The following SPRED2 variants were observed in gnomAD, a reference collection of about 807,000 sequenced individuals.
The protein encoded by SPRED2 is sprouty related EVH1 domain containing 2.
A neutral mutation model predicts 43.0 loss-of-function variants in SPRED2; 47 were observed. The ratio of observed to expected loss-of-function variants is 1.09; its 90% CI spans 0.87 to 1.40. SPRED2 has a LOEUF of 1.40. Ranked by LOEUF, SPRED2 falls within the 40% of genes most tolerant of loss-of-function variation. The pLI, the probability that SPRED2 is intolerant of heterozygous loss-of-function variation, is 0.00. For synonymous variants in SPRED2, 225 were observed against 225.7 expected, an observed-to-expected ratio of 1.00 and a Z score of 0.03; for missense variants, 561 against 586.4, an observed-to-expected ratio of 0.96 and a Z score of 0.45.
chr2:65,366,888 G>T, intron 1 of SPRED2: 1 of 697,020 alleles, frequency 1.4e-6, no homozygotes, highest in Non-Finnish European at 2.0e-6. Flanking sequence ...TGACAGATGC[G>T]TTTTCCAATT....
chr2:65,414,922 G>A (rs1208732584), intron 1 of SPRED2, among the ~76,000 whole-genome samples: 1 of 152,000 alleles, frequency 6.6e-6, no homozygotes, highest in East Asian at 1.9e-4. Flanking sequence ...GGAGGGAAGT[G>A]TTTCTCTGAG....
intron 1 of SPRED2, among the ~76,000 whole-genome samples, chr2:65,414,186 T>C (rs1676222823): frequency 6.6e-6 from 1 of 152,222 alleles, no homozygotes; most frequent in African/African-American, 2.4e-5. Flanking sequence ...TGACAGCACA[T>C]ACTCATTCTC....
chr2:65,329,168 C>T (rs1196450384), intron 4 of SPRED2, among the ~76,000 whole-genome samples: 1 of 152,148 alleles, frequency 6.6e-6, no homozygotes, highest in African/African-American at 2.4e-5. Flanking sequence ...TCTGTCTTAC[C>T]AGTAAGTTTT....
chr2:65,358,929 G>A (rs1402576524), intron 1 of SPRED2, among the ~76,000 whole-genome samples: 1 of 152,198 alleles, frequency 6.6e-6, no homozygotes, highest in Non-Finnish European at 1.5e-5. Context: ...TGGGGTGAGG[G>A]AGAAAAGGTA....
intron 1 of SPRED2, among the ~76,000 whole-genome samples, chr2:65,428,725 A>G (rs1337836533): frequency 6.6e-6 from 1 of 152,270 alleles, no homozygotes; most frequent in Non-Finnish European, 1.5e-5. Flanking sequence ...AGAGTTCATG[A>G]AAGGAACAAA....
intron 2 of SPRED2, among the ~76,000 whole-genome samples, chr2:65,343,407 T>C (rs1674246940): frequency 6.6e-6 from 1 of 152,230 alleles, no homozygotes; most frequent in Admixed American, 6.5e-5. Context: ...ATTTACAAAT[T>C]GTTCTGTCTT....
At chr2:65,405,680 G>T (rs1676008170) in intron 1 of SPRED2, among the ~76,000 whole-genome samples, 1 of 152,188 alleles carries the variant, frequency 6.6e-6, no homozygotes, top group Non-Finnish European at 1.5e-5. Context: ...ATACGGCACT[G>T]CAATCCTCTT....
chr2:65,309,153 T>A, downstream of SPRED2, among the ~76,000 whole-genome samples: 1 of 73,584 alleles, frequency 1.4e-5, no homozygotes, highest in Non-Finnish European at 2.8e-5. Context: ...CGAAACTCAG[T>A]CTCAAAAAAA....
At chr2:65,317,007 C>A in intron 4 of SPRED2, 124 bp from the exon 5 acceptor site, 1 of 1,034,218 alleles carries the variant, frequency 9.7e-7, no homozygotes, top group African/African-American at 1.6e-5. Flanking sequence ...GCTGCTCTTC[C>A]CAAAATCTTG....
At chr2:65,384,503 G>A (rs1036253792) in intron 1 of SPRED2, among the ~76,000 whole-genome samples, 2 of 152,162 alleles carry the variant, frequency 1.3e-5, no homozygotes, top group African/African-American at 4.8e-5. Flanking sequence ...AACTTAGTAA[G>A]AATTTCAAGG....
intron 1 of SPRED2, among the ~76,000 whole-genome samples, chr2:65,392,707 T>C (rs999955309): frequency 6.6e-5 from 10 of 152,210 alleles, no homozygotes; most frequent in African/African-American, 2.2e-4. Context: ...ATCCACAGGA[T>C]ACAAACTAGG....
chr2:65,356,696 A>G (rs1456351211), intron 1 of SPRED2, among the ~76,000 whole-genome samples: 1 of 151,980 alleles, frequency 6.6e-6, no homozygotes, highest in Non-Finnish European at 1.5e-5. Context: ...AGCCCTTAAT[A>G]AGACCTGTTC....
intron 1 of SPRED2, among the ~76,000 whole-genome samples, chr2:65,379,805 T>C (rs906049637): frequency 2.7e-4 from 41 of 152,324 alleles, no homozygotes; most frequent in African/African-American, 9.6e-4. Flanking sequence ...AGAATGAACA[T>C]GGCACCTCTC....
rs756304609 is a variant in SPRED2 at position 65,313,717 on chromosome 2, GT to G, written c.1040del (p.Asp347AlafsTer59). The G allele has an allele frequency of 6.2e-7, 1 of 1,614,214 alleles. No individual in the cohort carries two copies. The highest frequency in any genetic ancestry group is 8.5e-7 in the Non-Finnish European group (1 of 1,180,036). The stretch of plus-strand genomic sequence containing the variant: ...CCGACATACAGTGATAGAGCATGCT[GT>G]CCGCGCACCACATGCAGCTCACCCG... ...IRRVSCMWCA[D>X]SMLYHCMSDP... On this transcript the variant is annotated frameshift_variant, in exon 6 of 6. Coordinates refer to ENST00000356388, the MANE Select transcript of SPRED2 (RefSeq NM_181784.3). LOFTEE classifies it high-confidence loss of function.
At chr2:65,399,095 G>A (rs895455642) in intron 1 of SPRED2, among the ~76,000 whole-genome samples, 6 of 151,870 alleles carry the variant, frequency 4.0e-5, no homozygotes, top group Admixed American at 2.0e-4. Context: ...TGGCTAACAC[G>A]GTGAAACCCT....
At chr2:65,328,184 G>A (rs1036361206) in intron 4 of SPRED2, among the ~76,000 whole-genome samples, 1 of 152,094 alleles carries the variant, frequency 6.6e-6, no homozygotes, top group Non-Finnish European at 1.5e-5. Context: ...TTGATCAACT[G>A]ATCTTCTAAA....
At chr2:65,414,533 T>C (rs1417706719) in intron 1 of SPRED2, among the ~76,000 whole-genome samples, 1 of 152,158 alleles carries the variant, frequency 6.6e-6, no homozygotes, top group Admixed American at 6.5e-5. Context: ...TCAACCTTGG[T>C]CCCCTGAATG....
At chr2:65,383,739 AT>A (rs1350052459) in intron 1 of SPRED2, among the ~76,000 whole-genome samples, 1 of 152,236 alleles carries the variant, frequency 6.6e-6, no homozygotes, top group African/African-American at 2.4e-5. Flanking sequence ...GGCTGGGTAG[AT>A]AAACATGTAC....
intron 1 of SPRED2, among the ~76,000 whole-genome samples, chr2:65,406,685 C>T (rs1394394860): frequency 6.6e-6 from 1 of 152,224 alleles, no homozygotes; most frequent in African/African-American, 2.4e-5. Flanking sequence ...CACATCAGCC[C>T]ACCTTGCTGT....
Sources: gnomAD v4.1 joint callset for allele counts (sites outside exome capture counted in the v4.1 genomes callset) on GRCh38, gnomAD v4.1.1 for gene constraint, MANE v1.5 for transcripts, NCBI Gene and HGNC (gene_info 2026-07-23, HGNC 2026-07-21) for gene names.